NKAIN2: variants seen among roughly 807,000 people sequenced by gnomAD.
The protein encoded by NKAIN2 is sodium/potassium-transporting ATPase subunit beta-1-interacting protein 2.
NKAIN2 carries 14 observed loss-of-function variants against 32.6 expected under a neutral mutation model. The ratio of observed to expected loss-of-function variants is 0.43; its 90% confidence interval spans 0.28 to 0.67. The LOEUF is 0.67. Among genes scored for constraint, NKAIN2 ranks in the 30% least tolerant of loss-of-function variants. NKAIN2 has a pLI of 0.17. For missense variants in NKAIN2, 198 were observed against 258.3 expected (o/e 0.77, Z 1.60); for synonymous variants, 80 against 87.2 (o/e 0.92, Z 0.46).
At chr6:123,840,702 A>C (rs946676332) in intron 1 of NKAIN2, among the ~76,000 whole-genome samples, 1 of 152,122 alleles carries the variant, frequency 6.6e-6, no homozygotes, top group South Asian at 2.1e-4. Context: ...TGCATTATTC[A>C]GTTTTTATTG....
At chr6:124,531,482 A>T (rs1487984391) in intron 3 of NKAIN2, among the ~76,000 whole-genome samples, 3 of 152,190 alleles carry the variant, frequency 2.0e-5, no homozygotes, top group African/African-American at 7.2e-5. Context: ...ATCTGTATTC[A>T]TCAAGGATAT....
At position 124,307,360 on chromosome 6, in the gene NKAIN2, A is replaced by C. The variant is rs946945963; in HGVS notation, c.192+24218A>C. On this transcript the variant is annotated intron_variant, in intron 2 of 6. Transcript: ENST00000368417. ...TATGTAATTAATATGCTTATGGTTA[A>C]ATTATAGTTTATTGTGTATTTCTTA... Among the ~76,000 whole-genome samples, 49 of 152,174 alleles carry C rather than the reference A, an allele frequency of 3.2e-4. 1 individual carries two copies. The highest frequency in any genetic ancestry group is 3.2e-3 in the Admixed American group (49 of 15,276).
chr6:123,903,911 A>ATTT (rs112148060), intron 1 of NKAIN2, among the ~76,000 whole-genome samples: 130 of 146,084 alleles, frequency 8.9e-4, no homozygotes, highest in African/African-American at 2.5e-3. Context: ...TATTATACGC[A>ATTT]TTTTTTTTTT....
intron 1 of NKAIN2, among the ~76,000 whole-genome samples, chr6:124,267,951 AT>A (rs1223113468): frequency 3.9e-5 from 6 of 152,122 alleles, no homozygotes; most frequent in African/African-American, 1.2e-4. Flanking sequence ...TATCTTAATT[AT>A]TGTTTTTCCA....
intron 4 of NKAIN2, among the ~76,000 whole-genome samples, chr6:124,741,466 G>A (rs1777208056): frequency 6.6e-6 from 1 of 151,838 alleles, no homozygotes; most frequent in Non-Finnish European, 1.5e-5. Flanking sequence ...GAAGATGAAT[G>A]CTGGAAATAA....
intron 3 of NKAIN2, among the ~76,000 whole-genome samples, chr6:124,425,680 A>G (rs1774952263): frequency 1.3e-5 from 2 of 152,146 alleles, no homozygotes; most frequent in South Asian, 2.1e-4. Context: ...GTACCTACCA[A>G]TGGTCAATAG....
intron 1 of NKAIN2, among the ~76,000 whole-genome samples, chr6:123,949,582 T>C (rs1407427303): frequency 6.6e-6 from 1 of 151,908 alleles, no homozygotes; most frequent in Non-Finnish European, 1.5e-5. Flanking sequence ...GAGATTGCCT[T>C]CTTGATTTTT....
At chr6:124,757,581 G>A (rs1321256330) in intron 4 of NKAIN2, among the ~76,000 whole-genome samples, 1 of 152,074 alleles carries the variant, frequency 6.6e-6, no homozygotes, top group Non-Finnish European at 1.5e-5. Context: ...CTAAGTTTAG[G>A]CCAATTGATG....
At chr6:124,311,809 A>C (rs1192390881) in intron 2 of NKAIN2, among the ~76,000 whole-genome samples, 1 of 152,166 alleles carries the variant, frequency 6.6e-6, no homozygotes, top group African/African-American at 2.4e-5. Context: ...TGATGAATCT[A>C]TTCCTTTCAC....
intron 1 of NKAIN2, among the ~76,000 whole-genome samples, chr6:124,158,530 T>C (rs1788103731): frequency 6.6e-6 from 1 of 152,216 alleles, no homozygotes; most frequent in Non-Finnish European, 1.5e-5. Flanking sequence ...TATTTTATTG[T>C]ATGTTACTAA....
At chr6:123,882,842 A>C (rs1773512924) in intron 1 of NKAIN2, among the ~76,000 whole-genome samples, 2 of 152,194 alleles carry the variant, frequency 1.3e-5, no homozygotes, top group Admixed American at 6.5e-5. Context: ...AAAACAAAAC[A>C]AAATATGTAG....
At chr6:123,843,989 T>G (rs1332869554) in intron 1 of NKAIN2, among the ~76,000 whole-genome samples, 1 of 152,164 alleles carries the variant, frequency 6.6e-6, no homozygotes, top group Non-Finnish European at 1.5e-5. Context: ...TGGGGATTAA[T>G]GACAAAATGA....
At chr6:124,628,509 A>T (rs1783442970) in intron 3 of NKAIN2, among the ~76,000 whole-genome samples, 1 of 151,912 alleles carries the variant, frequency 6.6e-6, no homozygotes, top group Non-Finnish European at 1.5e-5. Context: ...TAGTTAAGTC[A>T]CTTGGGGATA....
chr6:124,716,188 G>A (rs1025255372), intron 4 of NKAIN2, among the ~76,000 whole-genome samples: 3 of 152,198 alleles, frequency 2.0e-5, no homozygotes, highest in African/African-American at 4.8e-5. Context: ...TCAAGGTTCA[G>A]AACGTAATTT....
chr6:124,772,916 T>C (rs887994137), intron 4 of NKAIN2, among the ~76,000 whole-genome samples: 2 of 152,144 alleles, frequency 1.3e-5, no homozygotes, highest in Non-Finnish European at 2.9e-5. Flanking sequence ...CCTACTAGTA[T>C]GCAATATACC....
intron 3 of NKAIN2, among the ~76,000 whole-genome samples, chr6:124,467,686 T>C (rs1776817021): frequency 6.6e-6 from 1 of 152,154 alleles, no homozygotes; most frequent in Non-Finnish European, 1.5e-5. Flanking sequence ...CAACCTGATA[T>C]TTTATTAAGT....
At chr6:123,835,872 G>A (rs77813218) in intron 1 of NKAIN2, among the ~76,000 whole-genome samples, 1 of 151,994 alleles carries the variant, frequency 6.6e-6, no homozygotes, top group Non-Finnish European at 1.5e-5. Context: ...GTACACTGTG[G>A]TTCCTGCTTA....
intron 3 of NKAIN2, among the ~76,000 whole-genome samples, chr6:124,544,320 C>T (rs965347873): frequency 9.5e-5 from 14 of 146,866 alleles, no homozygotes; most frequent in Non-Finnish European, 1.2e-4. Flanking sequence ...CCCCACCTCC[C>T]AACTAGATCT....
At chr6:124,658,511 G>C (rs1784627126) in intron 4 of NKAIN2, 125 bp downstream of exon 4, 4 of 1,511,966 alleles carry the variant, frequency 2.6e-6, no homozygotes, top group Non-Finnish European at 3.5e-6. Flanking sequence ...CCTCATTAAT[G>C]CGACTTTTAA....
Sources: gnomAD v4.1 joint callset for allele counts (sites outside exome capture counted in the v4.1 genomes callset) on GRCh38, gnomAD v4.1.1 for gene constraint, MANE v1.5 for transcripts, NCBI Gene and HGNC (gene_info 2026-07-23, HGNC 2026-07-21) for gene names.